Variants in VPS33A observed in about 807,000 individuals in gnomAD.
VPS33A encodes the protein VPS33A core subunit of CORVET and HOPS complexes.
A neutral mutation model predicts 71.8 loss-of-function variants in VPS33A; 32 were observed. That is an observed-to-expected ratio of 0.45 (90% confidence interval 0.34 to 0.60). The LOEUF is 0.60. Ranked by LOEUF, VPS33A falls within the 20% of genes least tolerant of loss-of-function variation. The probability of loss-of-function intolerance (pLI) is 0.02; values close to 1 mark genes in which losing one functional copy is unlikely to be tolerated. For synonymous variants in VPS33A, 311 were observed against 292.7 expected, an observed-to-expected ratio of 1.06 and a Z score of -0.64; for missense variants, 625 against 748.5, an observed-to-expected ratio of 0.84 and a Z score of 1.92.
intron 1 of VPS33A, 125 bp downstream of exon 1, chr12:122,266,182 C>T: frequency 1.4e-6 from 2 of 1,406,702 alleles, no homozygotes; most frequent in Non-Finnish European, 1.9e-6. Context: ...TAAAAGGGCC[C>T]TGAGGCTCGC....
chr12:122,250,743 C>A (rs1592922604), intron 5 of VPS33A, among the ~76,000 whole-genome samples: 1 of 152,280 alleles, frequency 6.6e-6, no homozygotes, highest in Non-Finnish European at 1.5e-5. Flanking sequence ...TGTCAGCTGC[C>A]TCAGTTGGGA....
intron 10 of VPS33A, among the ~76,000 whole-genome samples, chr12:122,237,286 G>A (rs1015882773): frequency 6.6e-5 from 10 of 152,094 alleles, no homozygotes; most frequent in African/African-American, 1.4e-4. Context: ...GTATAACTGC[G>A]GAGTTAAGAA....
At position 122,239,952 on chromosome 12, in the gene VPS33A, T is replaced by C. The variant is rs768377106; in HGVS notation, c.1097-7A>G. ...TCAAAAAAGTCTTCAGAAGCTAAAA[T>C]GAAATTAGCAAATTTGCAACTTAGA... On this transcript the variant is annotated splice_region_variant and splice_polypyrimidine_tract_variant and intron_variant, in intron 8 of 12. Coordinates refer to ENST00000267199, the MANE Select transcript of VPS33A (RefSeq NM_022916.6). 26 of 1,609,152 alleles carry C rather than the reference T, an allele frequency of 1.6e-5. No homozygotes were observed. The highest frequency in any genetic ancestry group is 2.2e-5 in the Non-Finnish European group (26 of 1,176,518).
At chr12:122,250,760 G>C (rs374547699) in intron 5 of VPS33A, among the ~76,000 whole-genome samples, 2 of 152,176 alleles carry the variant, frequency 1.3e-5, no homozygotes, top group Admixed American at 1.3e-4. Context: ...GGGAACATGC[G>C]CAGTGGTTAC....
chr12:122,235,997 C>A, intron 10 of VPS33A, 74 bp from the exon 11 acceptor site: 1 of 1,534,234 alleles, frequency 6.5e-7, no homozygotes, highest in Non-Finnish European at 8.8e-7. Context: ...AAGGGCACTT[C>A]CAACAAATCA....
chr12:122,252,977 A>C (rs1212814970), intron 4 of VPS33A: 1 of 152,064 alleles, frequency 6.6e-6, no homozygotes, highest in African/African-American at 2.4e-5. Context: ...CCAACCCAAC[A>C]TGTCCCTGCT....
intron 4 of VPS33A, among the ~76,000 whole-genome samples, chr12:122,254,592 G>T (rs1165526463): frequency 6.6e-6 from 1 of 151,888 alleles, no homozygotes; most frequent in Non-Finnish European, 1.5e-5. Flanking sequence ...TTTATTTTTA[G>T]TAGAGATGGA....
At chr12:122,239,710 A>G (rs183296284) in intron 9 of VPS33A, among the ~76,000 whole-genome samples, 168 bp downstream of exon 9, 334 of 137,262 alleles carry the variant, frequency 2.4e-3, no homozygotes, top group African/African-American at 6.9e-3. Context: ...CAGCCTGGGC[A>G]ACAGAGCAAG....
chr12:122,253,025 G>A (rs1954865362), intron 4 of VPS33A: 1 of 152,106 alleles, frequency 6.6e-6, no homozygotes, highest in Non-Finnish European at 1.5e-5. Context: ...GAGGGTCCAG[G>A]GCCTGAGGAA....
chr12:122,250,024 T>G lies in VPS33A; in HGVS notation c.622A>C (p.Arg208=). ...CARQVANMMI[R]MKREFTGSQN... The stretch of plus-strand genomic sequence containing the variant: ...CTTCCTGTAAACTCTCTCTTCATCC[T>G]GATCATCATATTGGCCACTTGCTGG... Residue 208 remains arginine (R), a synonymous_variant, in exon 6 of 13, where the codon AGG becomes CGG. Transcript: ENST00000267199. 2 of 1,610,780 alleles carry G rather than the reference T, an allele frequency of 1.2e-6. No homozygotes were observed. The highest frequency in any genetic ancestry group is 1.1e-5 in the South Asian group (1 of 90,390).
chr12:122,235,761 G>A (rs1392505874), intron 11 of VPS33A, 25 bp downstream of exon 11: 14 of 1,599,112 alleles, frequency 8.8e-6, no homozygotes, highest in South Asian at 1.1e-5. Context: ...CCTAAGCTGA[G>A]ACGAGGTGGA....
At chr12:122,263,732 A>G in intron 2 of VPS33A, 33 bp from the exon 3 acceptor site, 1 of 1,552,158 alleles carries the variant, frequency 6.4e-7, no homozygotes, top group Non-Finnish European at 8.8e-7. Context: ...GGTTAACAAG[A>G]AGACTGAAAT....
At chr12:122,259,183 A>ATGTG (rs763092081) in intron 4 of VPS33A, among the ~76,000 whole-genome samples, 5,819 of 102,720 alleles carry the variant, frequency 0.057, 353 homozygotes, top group African/African-American at 0.16. Context: ...GTGTGTATGT[A>ATGTG]TGTGTGTATG....
At chr12:122,257,491 G>T (rs1218864083) in intron 4 of VPS33A, among the ~76,000 whole-genome samples, 1 of 149,016 alleles carries the variant, frequency 6.7e-6, no homozygotes, top group Admixed American at 6.7e-5. Flanking sequence ...GGACAACACG[G>T]TGAAACCCCG....
intron 6 of VPS33A, chr12:122,249,440 G>A (rs1027119056): frequency 6.5e-6 from 1 of 152,776 alleles, no homozygotes; most frequent in African/African-American, 2.4e-5. Context: ...TGCCAGACTG[G>A]TCTTGAACAC....
At chr12:122,235,690 A>G in intron 11 of VPS33A, 96 bp downstream of exon 11, 2 of 1,448,948 alleles carry the variant, frequency 1.4e-6, no homozygotes, top group Non-Finnish European at 1.8e-6. Flanking sequence ...TTGTTTTCAG[A>G]AAGCAAGGCA....
At chr12:122,239,655 C>G (rs992352861) in intron 9 of VPS33A, among the ~76,000 whole-genome samples, 1 of 148,524 alleles carries the variant, frequency 6.7e-6, no homozygotes, top group African/African-American at 2.5e-5. Context: ...GGCGTCAACC[C>G]GGGAGGCGGA....
intron 10 of VPS33A, 101 bp from the exon 11 acceptor site, chr12:122,236,024 A>C: frequency 2.1e-6 from 3 of 1,418,312 alleles, no homozygotes; most frequent in Non-Finnish European, 2.9e-6. Flanking sequence ...TTTGTACTGC[A>C]GGACATGTTA....
At chr12:122,261,501 T>C (rs1954995089) in intron 3 of VPS33A, 54 bp from the exon 4 acceptor site, 1 of 1,576,970 alleles carries the variant, frequency 6.3e-7, no homozygotes. Flanking sequence ...TCATGGACCA[T>C]TTTGCTTTTT....
Sources: allele counts gnomAD v4.1 joint callset (sites outside exome capture counted in the v4.1 genomes callset), GRCh38; gene constraint gnomAD v4.1.1; transcripts MANE v1.5; gene names NCBI Gene and HGNC (gene_info 2026-07-23, HGNC 2026-07-21).